SLC25A21: variants seen among roughly 807,000 people sequenced by gnomAD.
SLC25A21 encodes the protein mitochondrial 2-oxodicarboxylate carrier.
SLC25A21 carries 47 observed loss-of-function variants against 43.8 expected under a neutral mutation model. The ratio of observed to expected loss-of-function variants is 1.07; its 90% confidence interval spans 0.85 to 1.37. The LOEUF (loss-of-function observed/expected upper bound fraction) is 1.37. SLC25A21 is among the 40% of genes most tolerant of loss of function. The probability of loss-of-function intolerance (pLI) is 0.00; values close to 1 mark genes in which losing one functional copy is unlikely to be tolerated. For synonymous variants in SLC25A21, 131 were observed against 121.3 expected, an observed-to-expected ratio of 1.08 and a Z score of -0.52; for missense variants, 352 against 350.2, an observed-to-expected ratio of 1.00 and a Z score of -0.04.
chr14:36,867,705 C>G (rs1890251132), intron 2 of SLC25A21, among the ~76,000 whole-genome samples: 1 of 152,140 alleles, frequency 6.6e-6, no homozygotes, highest in African/African-American at 2.4e-5. Flanking sequence ...TGTACCCTCA[C>G]TCAGGTTTCT....
chr14:36,823,773 A>C (rs909378797), intron 2 of SLC25A21, among the ~76,000 whole-genome samples: 1 of 152,196 alleles, frequency 6.6e-6, no homozygotes, highest in East Asian at 1.9e-4. Flanking sequence ...TTACCTGTGC[A>C]TCTTCTCTCT....
At chr14:36,749,572 C>G (rs984313109) in intron 3 of SLC25A21, among the ~76,000 whole-genome samples, 4 of 152,176 alleles carry the variant, frequency 2.6e-5, no homozygotes, top group Non-Finnish European at 5.9e-5. Flanking sequence ...ACCAAAGTCT[C>G]CTCAAAGAGC....
intron 1 of SLC25A21, among the ~76,000 whole-genome samples, chr14:37,057,999 G>A (rs1961867342): frequency 6.6e-6 from 1 of 152,252 alleles, no homozygotes; most frequent in Middle Eastern, 3.4e-3. Context: ...AATCATATCC[G>A]TGCAATTTTG....
chr14:37,067,870 A>T (rs1347079375), intron 1 of SLC25A21, among the ~76,000 whole-genome samples: 1 of 152,266 alleles, frequency 6.6e-6, no homozygotes, highest in Non-Finnish European at 1.5e-5. Context: ...AAAGGATAGG[A>T]TTAAGAACAA....
intron 2 of SLC25A21, among the ~76,000 whole-genome samples, chr14:36,871,824 T>A (rs1004636352): frequency 2.0e-5 from 3 of 152,174 alleles, no homozygotes; most frequent in Admixed American, 2.0e-4. Context: ...ATTTTATTTT[T>A]TTACACTTTA....
chr14:36,755,739 C>A (rs1885903314), intron 3 of SLC25A21, among the ~76,000 whole-genome samples: 1 of 151,998 alleles, frequency 6.6e-6, no homozygotes, highest in Admixed American at 6.6e-5. Context: ...CAGATTAGTC[C>A]ATTACTTGCC....
At chr14:36,765,587 C>A (rs1001888832) in intron 3 of SLC25A21, among the ~76,000 whole-genome samples, 1 of 152,136 alleles carries the variant, frequency 6.6e-6, no homozygotes, top group Non-Finnish European at 1.5e-5. Flanking sequence ...TTCCAGTATG[C>A]TGTGGCCTGG....
chr14:36,903,003 C>A (rs1891436024), intron 1 of SLC25A21, among the ~76,000 whole-genome samples: 1 of 152,090 alleles, frequency 6.6e-6, no homozygotes, highest in Admixed American at 6.6e-5. Context: ...CAACAACAAA[C>A]CTGACTCACT....
At chr14:36,785,331 CA>C (rs1363489995) in intron 3 of SLC25A21, among the ~76,000 whole-genome samples, 1 of 152,190 alleles carries the variant, frequency 6.6e-6, no homozygotes, top group Non-Finnish European at 1.5e-5. Flanking sequence ...AACTAGCAAA[CA>C]AACAAAAAGC....
At position 36,680,149 on chromosome 14, in the gene SLC25A21, T is replaced by A. The variant is rs1179966383; in HGVS notation, c.*509A>T. On this transcript the variant is annotated 3_prime_UTR_variant, in exon 10 of 10. Coordinates refer to ENST00000331299, the MANE Select transcript of SLC25A21 (RefSeq NM_030631.4). ...CTTAAAAGGTCATTTTAGTGCACTT[T>A]AAAAAATTTTTCTTGTGCTCTTTAA... 1 of 850,600 alleles carries A rather than the reference T, an allele frequency of 1.2e-6. No homozygotes were observed. The highest frequency in any genetic ancestry group is 1.4e-6 in the Non-Finnish European group (1 of 707,878). The allele number at this position is 850,600 out of a possible 1,614,324, so 52.7% of individuals were successfully genotyped here.
intron 3 of SLC25A21, among the ~76,000 whole-genome samples, chr14:36,766,689 C>G (rs147618712): frequency 1.3e-5 from 2 of 152,078 alleles, no homozygotes; most frequent in African/African-American, 4.8e-5. Context: ...CTCCATGTAT[C>G]GACTCTCATT....
intron 2 of SLC25A21, among the ~76,000 whole-genome samples, chr14:36,816,975 TA>T (rs1566643065): frequency 2.6e-5 from 4 of 152,028 alleles, no homozygotes; most frequent in Non-Finnish European, 4.4e-5. Flanking sequence ...AACTGTTCTT[TA>T]AAAAAATATT....
chr14:36,978,244 G>C (rs946349990), intron 1 of SLC25A21, among the ~76,000 whole-genome samples: 1 of 152,090 alleles, frequency 6.6e-6, no homozygotes, highest in African/African-American at 2.4e-5. Flanking sequence ...GAGATACTAT[G>C]GGTTTGGTTC....
chr14:36,789,529 C>T (rs1054719579), intron 3 of SLC25A21, among the ~76,000 whole-genome samples: 1 of 151,178 alleles, frequency 6.6e-6, no homozygotes, highest in African/African-American at 2.4e-5. Flanking sequence ...AAACAGGCAG[C>T]ATTCACTACA....
chr14:36,976,447 T>C (rs889441039), intron 1 of SLC25A21, among the ~76,000 whole-genome samples: 1 of 152,144 alleles, frequency 6.6e-6, no homozygotes, highest in Non-Finnish European at 1.5e-5. Flanking sequence ...TTGTTGCCTA[T>C]GATATAATTT....
rs113842758 is a variant in SLC25A21, at chr14:36,996,835, T to C, written c.71-121831A>G. On this transcript the variant is annotated intron_variant, in intron 1 of 9. Transcript: ENST00000331299. ...TCCAACAGGAATGTGGTGACAAATATGTACAGAGTAAATGAGATGAGGAAA... is the reference window on the plus strand; with the variant it reads ...TCCAACAGGAATGTGGTGACAAATACGTACAGAGTAAATGAGATGAGGAAA... 2.4e-3 allele frequency among the ~76,000 whole-genome samples: 364 copies of C among 152,240 alleles called. 1 individual carries two copies. The highest frequency in any genetic ancestry group is 8.2e-3 in the African/African-American group (340 of 41,556).
chr14:36,966,992 A>C (rs1959631876), intron 1 of SLC25A21, among the ~76,000 whole-genome samples: 1 of 152,182 alleles, frequency 6.6e-6, no homozygotes, highest in Non-Finnish European at 1.5e-5. Flanking sequence ...AGAAATATAT[A>C]TATGTATATC....
chr14:37,134,497 C>G (rs1160796310), intron 1 of SLC25A21, among the ~76,000 whole-genome samples: 1 of 151,762 alleles, frequency 6.6e-6, no homozygotes, highest in Non-Finnish European at 1.5e-5. Flanking sequence ...CTGACTGTTT[C>G]AGCAGGGCAC....
At chr14:37,042,295 T>C (rs1328543772) in intron 1 of SLC25A21, among the ~76,000 whole-genome samples, 5 of 152,312 alleles carry the variant, frequency 3.3e-5, no homozygotes, top group Admixed American at 1.3e-4. Flanking sequence ...TATTGAGTTA[T>C]GTTGGGGAGG....
Sources: allele counts gnomAD v4.1 joint callset (sites outside exome capture counted in the v4.1 genomes callset), GRCh38; gene constraint gnomAD v4.1.1; transcripts MANE v1.5; gene names NCBI Gene and HGNC (gene_info 2026-07-23, HGNC 2026-07-21).